USP43: variants seen among roughly 807,000 people sequenced by gnomAD.
The protein encoded by USP43 is ubiquitin specific peptidase 43.
USP43 carries 33 observed loss-of-function variants against 90.7 expected under a neutral mutation model. The observed-to-expected ratio is 0.36, with a 90% CI of 0.28 to 0.49. The LOEUF is 0.49. Ranked by LOEUF, USP43 falls within the 20% of genes least tolerant of loss-of-function variation. USP43 has a pLI of 0.98. For missense variants in USP43, 1,274 were observed against 1,476.4 expected (o/e 0.86, Z 2.25); for synonymous variants, 598 against 615.8 (o/e 0.97, Z 0.43).
At chr17:9,696,663 C>T (rs1915286847) in intron 9 of USP43, among the ~76,000 whole-genome samples, 1 of 152,212 alleles carries the variant, frequency 6.6e-6, no homozygotes, top group South Asian at 2.1e-4. Flanking sequence ...TACTCAGGAC[C>T]TCAAGCTAGG....
chr17:9,700,326 C>T, intron 10 of USP43, 77 bp downstream of exon 10: 1 of 1,410,742 alleles, frequency 7.1e-7, no homozygotes, highest in East Asian at 2.5e-5. Flanking sequence ...GACGCAGCTT[C>T]CCCCAGCACG....
intron 2 of USP43, among the ~76,000 whole-genome samples, 180 bp downstream of exon 2, chr17:9,656,714 C>G (rs1220900370): frequency 6.6e-6 from 1 of 152,116 alleles, no homozygotes; most frequent in African/African-American, 2.4e-5. Context: ...TTACACAAGG[C>G]GTTTCCTTCC....
At chr17:9,652,489 G>C (rs1911942587) in intron 1 of USP43, among the ~76,000 whole-genome samples, 2 of 151,968 alleles carry the variant, frequency 1.3e-5, no homozygotes, top group African/African-American at 2.4e-5. Flanking sequence ...AGCCTCCCGA[G>C]TAGCTGGGAC....
chr17:9,711,983 C>T lies in USP43; in HGVS notation c.2186C>T (p.Ser729Phe). ...TCCTCCACAGGCTCTACCAGCTCCT[C>T]CCTGTCTGATCACTGGCTCTTACGG... ...SSSMRGSTSS[S>F]LSDHWLLRLG... is the part of the protein sequence containing the mutation. The change falls in exon 14 of 15, where the codon TCC becomes TTC. Residue 729 changes from serine (S) to phenylalanine (F), a missense_variant. Physicochemically the swap from Ser to Phe is radical, Grantham distance 155. Around this residue, in one of 6 missense-constraint regions of USP43, gnomAD observed 285 missense variants for 349.6 expected, o/e 0.82. Coordinates refer to ENST00000285199, the MANE Select transcript of USP43 (RefSeq NM_153210.5). 6.2e-7 allele frequency: 1 copy of T among 1,609,596 alleles called. No homozygotes were observed. The highest frequency in any genetic ancestry group is 1.1e-5 in the South Asian group (1 of 90,364).
At chr17:9,670,467 G>A (rs1041214707) in intron 3 of USP43, among the ~76,000 whole-genome samples, 2 of 152,166 alleles carry the variant, frequency 1.3e-5, no homozygotes, top group Admixed American at 6.5e-5. Context: ...AGAGATGGAG[G>A]GAAGTGGAGG....
intron 9 of USP43, among the ~76,000 whole-genome samples, chr17:9,693,876 T>A: frequency 6.6e-6 from 1 of 152,118 alleles, no homozygotes. Flanking sequence ...CACGAAATTC[T>A]TTCAATTAGG....
intron 1 of USP43, among the ~76,000 whole-genome samples, chr17:9,648,888 T>C (rs2151959689): frequency 6.6e-6 from 1 of 151,784 alleles, no homozygotes; most frequent in African/African-American, 2.4e-5. Flanking sequence ...TTCCTTCCTC[T>C]TTCTTTCTTT....
At position 9,701,823 on chromosome 17, in the gene USP43, A is replaced by G; in HGVS notation, c.2011+123A>G. On this transcript the variant is annotated intron_variant, in intron 12 of 14. Coordinates refer to ENST00000285199, the MANE Select transcript of USP43 (RefSeq NM_153210.5). The surrounding 1 kb of genome is among the most constrained non-coding windows in gnomAD (Gnocchi z 7.2). ...CTTATTGAGATCCGACCCCTCACCCACCGCACACCAGGAAGATGAGGATGA... is the reference window on the plus strand; with the variant it reads ...CTTATTGAGATCCGACCCCTCACCCGCCGCACACCAGGAAGATGAGGATGA... The G allele has an allele frequency of 1.3e-6, 1 of 795,002 alleles. No individual in the cohort carries two copies. The allele number at this position is 795,002 out of a possible 1,614,324, so 49.2% of individuals were successfully genotyped here. A position where few individuals can be genotyped will look rare whatever the true frequency, so the allele number is the denominator to read the frequency against.
chr17:9,710,208 T>A, intron 13 of USP43, 94 bp downstream of exon 13: 2 of 1,310,490 alleles, frequency 1.5e-6, no homozygotes, highest in Non-Finnish European at 2.0e-6. Context: ...CCAGGAGAGG[T>A]TGGCAAGGAT....
At chr17:9,680,151 A>T in intron 5 of USP43, 80 bp from the exon 6 acceptor site, 1 of 1,519,762 alleles carries the variant, frequency 6.6e-7, no homozygotes, top group Non-Finnish European at 9.0e-7. Flanking sequence ...ATGGGTGTTG[A>T]CTATCAGTCA....
At chr17:9,705,048 A>G (rs1344371138) in intron 12 of USP43, among the ~76,000 whole-genome samples, 1 of 152,178 alleles carries the variant, frequency 6.6e-6, no homozygotes, top group Admixed American at 6.5e-5. Flanking sequence ...CAAAATTCAC[A>G]CGGCCTAAAA....
At chr17:9,654,383 C>G (rs940467076) in intron 1 of USP43, among the ~76,000 whole-genome samples, 4 of 152,116 alleles carry the variant, frequency 2.6e-5, no homozygotes, top group Middle Eastern at 3.4e-3. Flanking sequence ...ATGTGATTGA[C>G]GTAAAGACTC....
chr17:9,721,115 C>T (rs1374653001), intron 14 of USP43, among the ~76,000 whole-genome samples: 1 of 152,086 alleles, frequency 6.6e-6, no homozygotes, highest in Non-Finnish European at 1.5e-5. Flanking sequence ...CAACATCTTA[C>T]TTTTGCAATT....
chr17:9,669,235 G>A (rs1302576307), intron 3 of USP43, among the ~76,000 whole-genome samples: 2 of 151,988 alleles, frequency 1.3e-5, no homozygotes, highest in Non-Finnish European at 2.9e-5. Flanking sequence ...AGTGAAAGAA[G>A]AACATTTAGA....
At chr17:9,658,568 A>G (rs1470692100) in intron 2 of USP43, among the ~76,000 whole-genome samples, 1 of 152,184 alleles carries the variant, frequency 6.6e-6, no homozygotes, top group African/African-American at 2.4e-5. Flanking sequence ...AACAATCACC[A>G]CAGTAAAACC....
At chr17:9,708,182 G>A (rs1177814800) in intron 12 of USP43, among the ~76,000 whole-genome samples, 1 of 152,212 alleles carries the variant, frequency 6.6e-6, no homozygotes, top group Non-Finnish European at 1.5e-5. Flanking sequence ...GCCATTCAGG[G>A]GTAATTGATG....
chr17:9,653,759 C>G (rs747420999), intron 1 of USP43, among the ~76,000 whole-genome samples: 1 of 152,050 alleles, frequency 6.6e-6, no homozygotes, highest in Non-Finnish European at 1.5e-5. Flanking sequence ...GAGTAAGGAA[C>G]GATTTGGAGT....
chr17:9,711,131 C>G (rs539213762), intron 13 of USP43, among the ~76,000 whole-genome samples: 1 of 152,194 alleles, frequency 6.6e-6, no homozygotes, highest in South Asian at 2.1e-4. Context: ...GATAATGTAT[C>G]TTTATGGTGC....
chr17:9,685,762 C>T (rs567647151), intron 7 of USP43, among the ~76,000 whole-genome samples: 1 of 152,270 alleles, frequency 6.6e-6, no homozygotes, highest in Admixed American at 6.5e-5. Context: ...ATGATCAAAT[C>T]AGGGTAATTG....
Sources: allele counts gnomAD v4.1 joint callset (sites outside exome capture counted in the v4.1 genomes callset), GRCh38; gene constraint gnomAD v4.1.1; regional missense constraint gnomAD v4.1.1; non-coding constraint Gnocchi (gnomAD v3.1); transcripts MANE v1.5; gene names NCBI Gene and HGNC (gene_info 2026-07-23, HGNC 2026-07-21).